The following PIDD1 variants were observed in gnomAD, a reference collection of about 807,000 sequenced individuals.
PIDD1 encodes the protein p53-induced death domain-containing protein 1.
Under a neutral mutation model 80.0 loss-of-function variants are expected in PIDD1, and 72 were observed. The ratio of observed to expected loss-of-function variants is 0.90; its 90% CI spans 0.74 to 1.09. The LOEUF (loss-of-function observed/expected upper bound fraction) is 1.09, where lower values mean the gene tolerates loss of function less well. Ranked by LOEUF, PIDD1 falls within the 50% of genes least tolerant of loss-of-function variation. The pLI is 0.00. For missense variants in PIDD1, 1,329 were observed against 1,228.3 expected (o/e 1.08, Z -1.23); for synonymous variants, 655 against 543.5 (o/e 1.21, Z -2.85).
In PIDD1 at chr11:803,596, G is replaced by T. The variant is rs374112103; in HGVS notation, c.296-9C>A. 6.3e-6 allele frequency: 10 copies of T among 1,598,616 alleles called. No individual in the cohort carries two copies. The South Asian group carries it at 6.7e-5, about 11-fold the overall frequency. The stretch of plus-strand genomic sequence containing the variant: ...GTCCCGGCGTTGCCCTCCTGGGAAG[G>T]GGGGAGGCGGATGTGGCCCTCAGAG... On this transcript the variant is annotated splice_polypyrimidine_tract_variant and intron_variant, in intron 2 of 15. Transcript: ENST00000347755.
In PIDD1 at chr11:802,218, G is replaced by A. The variant is rs758485974; in HGVS notation, c.1153C>T (p.Pro385Ser). ...ALLSHVLELQ[P>S]HGVAFQQDVG... ...GCCTGCTGGAAGGCCACCCCATGGGGCTGCAGCTCCAGCACATGGCTGAGC... is the reference window on the plus strand; with the variant it reads ...GCCTGCTGGAAGGCCACCCCATGGGACTGCAGCTCCAGCACATGGCTGAGC... Residue 385 changes from proline to serine, a missense_variant, in exon 6 of 16, where the codon CCC becomes TCC. Pro to Ser is a moderately conservative substitution (Grantham distance 74). Coordinates refer to ENST00000347755, the MANE Select transcript of PIDD1 (RefSeq NM_145886.4). 6.2e-7 allele frequency: 1 copy of A among 1,609,330 alleles called. No individual in the cohort carries two copies. Among genetic ancestry groups the A allele is most frequent in the South Asian group, 1.1e-5 (1 of 90,778 alleles).
At position 804,333 on chromosome 11, in the gene PIDD1, G is replaced by C. The variant is rs1865624737; in HGVS notation, c.56C>G (p.Ala19Gly). The C allele has an allele frequency of 6.2e-7, 1 of 1,610,938 alleles. No homozygotes were observed. The highest frequency in any genetic ancestry group is 8.5e-7 in the Non-Finnish European group (1 of 1,178,688). Residue 19 changes from alanine to glycine, a missense_variant, in exon 2 of 16, where the codon GCT becomes GGT. Transcript: ENST00000347755. ...GGACCCTGCGTCCGAATCCTCTGAA[G>C]CATCTCCTGCGGCAGCAGCTGCCTC... ...ELEAAAAAGD[A>G]SEDSDAGSRA... is the part of the protein sequence containing the mutation.
At chr11:801,872 G>A in intron 7 of PIDD1, 93 bp downstream of exon 7, 3 of 1,489,816 alleles carry the variant, frequency 2.0e-6, no homozygotes, top group Non-Finnish European at 2.7e-6. Context: ...GACGGGGCAG[G>A]GTGGAAGGTG....
upstream of PIDD1, among the ~76,000 whole-genome samples, chr11:807,778 AAAAT>A (rs1049386144): frequency 2.0e-5 from 3 of 152,218 alleles, no homozygotes; most frequent in African/African-American, 7.2e-5. Context: ...CTCAGTCTCA[AAAAT>A]AAATAAATAA....
chr11:808,629 G>A (rs181566323), upstream of PIDD1, among the ~76,000 whole-genome samples: 421 of 152,318 alleles, frequency 2.8e-3, 8 homozygotes, highest in Admixed American at 0.024. Context: ...CCAGGAAGTT[G>A]AGGCTGCAGC....
upstream of PIDD1, chr11:805,752 G>T (rs902146632): frequency 1.1e-6 from 1 of 875,476 alleles, no homozygotes; most frequent in African/African-American, 1.8e-5. Context: ...GCCAGAAGCA[G>T]TGAGCCTCCT....
Position 803,457 on chromosome 11 carries a change from G to T in PIDD1, c.426C>A (p.Ala142=), listed in dbSNP as rs1445840132. ...CCAGACCTCGCATCTGCAGGACACA[G>T]GCCGGCAGTGTCTCCAGGCTGTTGA... ...LSFNSLETLP[A]CVLQMRGLGA... The change falls in exon 3 of 16, where the codon GCC becomes GCA. Residue 142 remains alanine, a synonymous_variant. Coordinates refer to ENST00000347755, the MANE Select transcript of PIDD1 (RefSeq NM_145886.4). The T allele has an allele frequency of 6.2e-7, 1 of 1,613,740 alleles. No individual in the cohort carries two copies. Among genetic ancestry groups the T allele is most frequent in the Admixed American group, 1.7e-5 (1 of 60,004 alleles).
In PIDD1 at chr11:802,303, G is replaced by A. The variant is rs1449579603; in HGVS notation, c.1068C>T (p.Ile356=). ...GCTCCGGCAGCAGCAGCCGATAGCG[G>A]ATGGTGATGGGGGTGGCGGTGGCTC... ...PAGATATPIT[I]RYRLLLPEPG... The change falls in exon 6 of 16, where the codon ATC becomes ATT. Residue 356 remains isoleucine (I), a synonymous_variant. Coordinates refer to ENST00000347755, the MANE Select transcript of PIDD1 (RefSeq NM_145886.4). 6.2e-7 allele frequency: 1 copy of A among 1,612,272 alleles called. No individual in the cohort carries two copies. Among genetic ancestry groups the A allele is most frequent in the South Asian group, 1.1e-5 (1 of 91,072 alleles).
chr11:809,103 CA>C (rs1480214487), upstream of PIDD1, among the ~76,000 whole-genome samples: 1 of 152,298 alleles, frequency 6.6e-6, no homozygotes, highest in East Asian at 1.9e-4. Flanking sequence ...TGCGTCCTCG[CA>C]CAAGAACTCA....
Position 803,080 on chromosome 11 carries a change from C to T in PIDD1, c.709+94G>A, listed in dbSNP as rs1865509005. Reference sequence around the variant, plus strand: ...GGGACAACCAAGAGGCAGCTGTGGACCAAGCCTGTGGGTGCAGAGGCCCCT... The same window carrying T: ...GGGACAACCAAGAGGCAGCTGTGGATCAAGCCTGTGGGTGCAGAGGCCCCT... On this transcript the variant is annotated intron_variant, in intron 3 of 15. Coordinates refer to ENST00000347755, the MANE Select transcript of PIDD1 (RefSeq NM_145886.4). 9.4e-6 allele frequency: 10 copies of T among 1,061,982 alleles called. 1 individual carries two copies. The South Asian group carries it at 1.1e-4, about 11-fold the overall frequency. 65.8% of individuals were successfully genotyped at this position (1,061,982 alleles called of 1,614,324 possible).
chr11:799,315 G>T lies in PIDD1; in HGVS notation c.2725C>A (p.Gln909Lys). The change falls in exon 16 of 16, where the codon CAG (glutamine) becomes AAG (lysine). Residue 909 changes from glutamine (Q) to lysine (K), a missense_variant. Coordinates refer to ENST00000347755, the MANE Select transcript of PIDD1 (RefSeq NM_145886.4). Reference sequence around the variant, plus strand: ...CTAAAAGTCTGTGGGGCCTAGGCCTGGGCAGGCTCTGGGGGCTGTGGAGCC... The same window carrying T: ...CTAAAAGTCTGTGGGGCCTAGGCCTTGGCAGGCTCTGGGGGCTGTGGAGCC... The part of the protein sequence containing the change: ...SSAPQPPEPA[Q>K]A The T allele has an allele frequency of 6.3e-7, 1 of 1,599,390 alleles. No homozygotes were observed. The highest frequency in any genetic ancestry group is 1.3e-5 in the African/African-American group (1 of 74,932).
In PIDD1 at chr11:802,527, T is replaced by G. The variant is rs1446223039; in HGVS notation, c.974+16A>C. The G allele has an allele frequency of 6.2e-7, 1 of 1,612,488 alleles. No homozygotes were observed. Among genetic ancestry groups the G allele is most frequent in the Non-Finnish European group, 8.5e-7 (1 of 1,179,298 alleles). On this transcript the variant is annotated intron_variant, in intron 5 of 15. Transcript: ENST00000347755. Reference sequence around the variant, plus strand: ...GCAGACAGACTCCCCTCCAGCCCCCTCAACCCACCCCATACCTGTCCAAAT... The same window carrying G: ...GCAGACAGACTCCCCTCCAGCCCCCGCAACCCACCCCATACCTGTCCAAAT...
rs1865452307 is a variant in PIDD1, at chr11:802,580, C to G, written c.937G>C (p.Glu313Gln). 1 of 1,613,258 alleles carries G rather than the reference C, an allele frequency of 6.2e-7. No homozygotes were observed. The highest frequency in any genetic ancestry group is 8.5e-7 in the Non-Finnish European group (1 of 1,179,714). Residue 313 changes from glutamate (E) to glutamine (Q), a missense_variant, in exon 5 of 16, where the codon GAA becomes CAA. Glu to Gln is a conservative substitution (Grantham distance 29). Transcript: ENST00000347755. Reference sequence around the variant, plus strand: ...GAGGTCAGGAACAGTCTGGGCATTTCTGGAATGAGGGCTGCCACTGTGCAG... The same window carrying G: ...GAGGTCAGGAACAGTCTGGGCATTTGTGGAATGAGGGCTGCCACTGTGCAG... ...PSSPVAALIP[E>Q]MPRLFLTSDL... is the part of the protein sequence containing the mutation.
intron 3 of PIDD1, 97 bp downstream of exon 3, chr11:803,077 G>T: frequency 9.6e-7 from 1 of 1,036,648 alleles, no homozygotes; most frequent in Non-Finnish European, 1.4e-6. Context: ...AGGCAGCTGT[G>T]GACCAAGCCT....
In PIDD1 at chr11:803,336, G is replaced by A; in HGVS notation, c.547C>T (p.Leu183=). Residue 183 remains leucine, a synonymous_variant, in exon 3 of 16, where the codon CTG becomes TTG. Transcript: ENST00000347755. ...CCCAGTGCTGGGGGCAGCGTCTGCA[G>A]GCGGTTGTGTGTCACTGTGAGGAAG... ...LTFLTVTHNR[L]QTLPPALGAL... is the part of the protein sequence containing the mutation. 2.5e-6 allele frequency: 4 copies of A among 1,614,036 alleles called. No individual in the cohort carries two copies. The highest frequency in any genetic ancestry group is 3.4e-6 in the Non-Finnish European group (4 of 1,180,014).
chr11:804,578 G>T (rs1865649030), intron 1 of PIDD1, 115 bp from the exon 2 acceptor site: 2 of 1,086,110 alleles, frequency 1.8e-6, no homozygotes, highest in South Asian at 1.8e-5. Context: ...GGCCTGGGCT[G>T]CAGAGTGGGG....
At position 804,117 on chromosome 11, in the gene PIDD1, C is replaced by T. The variant is rs767921737; in HGVS notation, c.272G>A (p.Cys91Tyr). The T allele has an allele frequency of 1.2e-6, 2 of 1,611,584 alleles. No homozygotes were observed. The highest frequency in any genetic ancestry group is 2.2e-5 in the East Asian group (1 of 44,818). The change falls in exon 2 of 16, where the codon TGC (cysteine) becomes TAC (tyrosine). Residue 91 changes from cysteine to tyrosine, a missense_variant. Transcript: ENST00000347755. ...TLAQLPQSLS[C>Y]LRSLVLKGGQ... ...ACCTTTGAGGACCAGGGAGCGGAGG[C>T]AGGACAGGCTCTGAGGCAGCTGGGC... is the stretch of plus-strand genomic sequence containing the variant.
rs1865411524 is a variant in PIDD1, at chr11:802,221, G to A, written c.1150C>T (p.Gln384Ter). 6.2e-7 allele frequency: 1 copy of A among 1,609,908 alleles called. No individual in the cohort carries two copies. Among genetic ancestry groups the A allele is most frequent in the African/African-American group, 1.3e-5 (1 of 74,900 alleles). Reference sequence around the variant, plus strand: ...TGCTGGAAGGCCACCCCATGGGGCTGCAGCTCCAGCACATGGCTGAGCAGG... The same window carrying A: ...TGCTGGAAGGCCACCCCATGGGGCTACAGCTCCAGCACATGGCTGAGCAGG... ...DALLSHVLEL[Q>*]PHGVAFQQDV... is the part of the protein sequence containing the mutation. Residue 384 changes from glutamine (Q) to a stop codon, truncating the protein, a stop_gained, in exon 6 of 16, where the codon CAG (glutamine) becomes TAG (stop). Transcript: ENST00000347755. LOFTEE classifies it high-confidence loss of function.
rs1428150671 is a variant in PIDD1, at chr11:799,848, TA to T, written c.2440del (p.Tyr814ThrfsTer130). Reference protein sequence around the residue: ...PAVALHLGVSYREVQRIRHEF... With the variant: ...PAVALHLGVSXREVQRIRHEF... ...GTGCCGGATGCGCTGCACCTCCCGG[TA>T]GGACACCCCCAGGTGCAGGGCCACG... On this transcript the variant is annotated frameshift_variant, in exon 15 of 16. Transcript: ENST00000347755. LOFTEE classifies it high-confidence loss of function. The T allele has an allele frequency of 6.2e-7, 1 of 1,606,252 alleles. No homozygotes were observed. Among genetic ancestry groups the T allele is most frequent in the Admixed American group, 1.7e-5 (1 of 59,458 alleles).
Sources: allele counts gnomAD v4.1 joint callset (sites outside exome capture counted in the v4.1 genomes callset), GRCh38; gene constraint gnomAD v4.1.1; transcripts MANE v1.5; gene names NCBI Gene and HGNC (gene_info 2026-07-23, HGNC 2026-07-21).